Variants in P2RX2 observed in about 807,000 individuals in gnomAD.
P2RX2 encodes purinergic receptor P2X 2.
In P2RX2, 50 loss-of-function variants were observed where a neutral mutation model predicts 54.8. The observed-to-expected ratio is 0.91, with a 90% confidence interval of 0.73 to 1.15. The LOEUF (loss-of-function observed/expected upper bound fraction) is 1.15, where lower values mean the gene tolerates loss of function less well. Among genes scored for constraint, P2RX2 ranks in the 50% most tolerant of loss-of-function variants. The pLI, the probability that P2RX2 is intolerant of heterozygous loss-of-function variation, is 0.00. For synonymous variants in P2RX2, 289 were observed against 259.4 expected (o/e 1.11, Z -1.09); for missense variants, 658 against 633.2 (o/e 1.04, Z -0.42).
In P2RX2 at chr12:132,620,352, G is replaced by T; in HGVS notation, c.635+5G>T. On this transcript the variant is annotated splice_donor_5th_base_variant and intron_variant, in intron 6 of 10. Coordinates refer to ENST00000643471, the MANE Select transcript of P2RX2 (RefSeq NM_170682.4). The stretch of plus-strand genomic sequence containing the variant: ...CCCCAAATTCCACTTCTCCAAGTAA[G>T]AGCCGCGGGGTGTGGTGACGGCCCA... 6.2e-7 allele frequency: 1 copy of T among 1,614,070 alleles called. No individual in the cohort carries two copies. Among genetic ancestry groups the T allele is most frequent in the Non-Finnish European group, 8.5e-7 (1 of 1,179,900 alleles).
chr12:132,620,032 C>T lies in P2RX2; in HGVS notation c.490C>T (p.Gln164Ter), dbSNP rs1488690731. Residue 164 changes from glutamine to a stop codon, truncating the protein, a stop_gained, in exon 5 of 11, where the codon CAG becomes TAG. Transcript: ENST00000643471. LOFTEE classifies it high-confidence loss of function. ...GACTGGGCGCTGTGTGCCCTATTAC[C>T]AGGGGCCCTCCAAGACCTGCGAGGT... ...LRTGRCVPYY[Q>*]GPSKTCEVFG... 2 of 1,590,310 alleles carry T rather than the reference C, an allele frequency of 1.3e-6. No homozygotes were observed. Among genetic ancestry groups the T allele is most frequent in the Non-Finnish European group, 1.7e-6 (2 of 1,169,954 alleles).
rs1463901389 is a variant in P2RX2 at position 132,622,050 on chromosome 12, C to T, written c.*78C>T. 1.4e-5 allele frequency: 22 copies of T among 1,595,716 alleles called. No individual in the cohort carries two copies. Among genetic ancestry groups the T allele is most frequent in the Middle Eastern group, 1.7e-4 (1 of 5,950 alleles). ...CCCCAGCTAGGGACCTGCACGTGGACGTGGGCACCTCAGTAGCGGAGCATC... is the reference window on the plus strand; with the variant it reads ...CCCCAGCTAGGGACCTGCACGTGGATGTGGGCACCTCAGTAGCGGAGCATC... On this transcript the variant is annotated 3_prime_UTR_variant, in exon 11 of 11. Coordinates refer to ENST00000643471, the MANE Select transcript of P2RX2 (RefSeq NM_170682.4).
At chr12:132,620,871 ACTG>A in intron 7 of P2RX2, 127 bp from the exon 8 acceptor site, 13 of 983,090 alleles carry the variant, frequency 1.3e-5, no homozygotes, top group East Asian at 7.0e-5. Context: ...GCAGCCTGGG[ACTG>A]ACCCGGGCTC....
At chr12:132,621,165 C>G in intron 8 of P2RX2, 34 bp downstream of exon 8, 1 of 1,613,970 alleles carries the variant, frequency 6.2e-7, no homozygotes. Context: ...TCCACACTGG[C>G]ATAGCTGTGG....
At chr12:132,620,879 GGGCTCTC>G in intron 7 of P2RX2, 115 bp from the exon 8 acceptor site, 26 of 831,760 alleles carry the variant, frequency 3.1e-5, no homozygotes, top group South Asian at 1.3e-4. Flanking sequence ...GGACTGACCC[GGGCTCTC>G]GAGGGGCCTC....
At position 132,620,542 on chromosome 12, in the gene P2RX2, G is replaced by A. The variant is rs114874649; in HGVS notation, c.733G>A (p.Val245Met). ...YCPIFKLGFI[V>M]EKAGESFTEL... ...CCCCATCTTCAAGCTGGGCTTTATC[G>A]TGGAGAAGGCTGGGGAGAGCTTCAC... is the stretch of plus-strand genomic sequence containing the variant. Residue 245 changes from valine (V) to methionine (M), a missense_variant, in exon 7 of 11, where the codon GTG (valine) becomes ATG (methionine). Physicochemically the swap from Val to Met is conservative, Grantham distance 21 (BLOSUM62 1). Transcript: ENST00000643471. 5 of 1,613,868 alleles carry A rather than the reference G, an allele frequency of 3.1e-6. No individual in the cohort carries two copies. The highest frequency in any genetic ancestry group is 3.3e-5 in the Admixed American group (2 of 60,026).
rs1453224005 is a variant in P2RX2, at chr12:132,619,224, C to CGTGGG, written c.174-214_174-213insTGGGG. ...GGGACTCGGGGTGCTGGGCTGGAGG[C>CGTGGG]GCGGGGCTGGGGCTGGGACCAGGGG... On this transcript the variant is annotated intron_variant, in intron 1 of 10. Transcript: ENST00000643471. Among the ~76,000 whole-genome samples the CGTGGG allele has an allele frequency of 0.48, 19,642 of 40,512 alleles. 6,079 individuals are homozygous for CGTGGG. The highest frequency in any genetic ancestry group is 0.68 in the East Asian group (739 of 1,086). The allele number at this position is 40,512 out of a possible 152,430, so 26.6% of individuals were successfully genotyped here. A position where few individuals can be genotyped will look rare whatever the true frequency, so the allele number is the denominator to read the frequency against.
intron 1 of P2RX2, among the ~76,000 whole-genome samples, 161 bp downstream of exon 1, chr12:132,619,150 ATTGGG>A (rs2041516604): frequency 4.6e-5 from 1 of 21,804 alleles, no homozygotes; most frequent in African/African-American, 1.9e-4. Context: ...AGGGGCTGGG[ATTGGG>A]GGCGCGGGGC....
rs2041618175 is a variant in P2RX2 at position 132,620,568 on chromosome 12, A to G, written c.759A>G (p.Thr253=). 1 of 1,612,804 alleles carries G rather than the reference A, an allele frequency of 6.2e-7. No homozygotes were observed. Among genetic ancestry groups the G allele is most frequent in the Non-Finnish European group, 8.5e-7 (1 of 1,179,728 alleles). Residue 253 remains threonine, a synonymous_variant, in exon 7 of 11, where the codon ACA becomes ACG. Coordinates refer to ENST00000643471, the MANE Select transcript of P2RX2 (RefSeq NM_170682.4). ...TGGAGAAGGCTGGGGAGAGCTTCACAGAGCTCGCACACAAGGCAGGGCAAG... is the reference window on the plus strand; with the variant it reads ...TGGAGAAGGCTGGGGAGAGCTTCACGGAGCTCGCACACAAGGCAGGGCAAG... The part of the protein sequence containing the change: ...FIVEKAGESF[T]ELAHKGGVIG...
chr12:132,622,111 G>A lies in P2RX2; in HGVS notation c.*139G>A, dbSNP rs2041726415. 6.7e-7 allele frequency: 1 copy of A among 1,501,606 alleles called. No homozygotes were observed. Among genetic ancestry groups the A allele is most frequent in the Non-Finnish European group, 8.8e-7 (1 of 1,133,968 alleles). The allele number at this position is 1,501,606 out of a possible 1,614,324, so 93.0% of individuals were successfully genotyped here. On this transcript the variant is annotated 3_prime_UTR_variant, in exon 11 of 11. Transcript: ENST00000643471. ...GGGGCACCACAGGATCCCTGTGCAA[G>A]GGCTGGGGGCACGCTCTGGCCCCAG...
chr12:132,622,141 G>C lies in P2RX2; in HGVS notation c.*169G>C, dbSNP rs1482739225. 2.1e-6 allele frequency: 3 copies of C among 1,453,590 alleles called. No individual in the cohort carries two copies. The highest frequency in any genetic ancestry group is 5.4e-5 in the Admixed American group (2 of 36,922). The allele number at this position is 1,453,590 out of a possible 1,614,324, so 90.0% of individuals were successfully genotyped here. ...GGGGGCACGCTCTGGCCCCAGGCTT[G>C]TGCCCCACCCTGGCATACAGCCCCT... On this transcript the variant is annotated 3_prime_UTR_variant, in exon 11 of 11. Coordinates refer to ENST00000643471, the MANE Select transcript of P2RX2 (RefSeq NM_170682.4).
At chr12:132,620,410 T>G in intron 6 of P2RX2, 35 bp from the exon 7 acceptor site, 1 of 1,614,088 alleles carries the variant, frequency 6.2e-7, no homozygotes. Context: ...ATGGGGTATT[T>G]GGGGTGCAGG....
intron 8 of P2RX2, 54 bp from the exon 9 acceptor site, chr12:132,621,201 G>T (rs2041661089): frequency 6.2e-7 from 1 of 1,613,798 alleles, no homozygotes; most frequent in Non-Finnish European, 8.5e-7. Flanking sequence ...CCCAATGCCT[G>T]TGGGGCAGCC....
rs1232286212 is a variant in P2RX2 at position 132,619,169 on chromosome 12, G to T, written c.173+180G>T. 4.7e-3 allele frequency among the ~76,000 whole-genome samples: 467 copies of T among 98,448 alleles called. 29 individuals are homozygous for T. The highest frequency in any genetic ancestry group is 0.012 in the Admixed American group (112 of 9,620). The allele number at this position is 98,448 out of a possible 152,430, so 64.6% of individuals were successfully genotyped here. On this transcript the variant is annotated intron_variant, in intron 1 of 10. Transcript: ENST00000643471. ...GCTGGGATTGGGGGCGCGGGGCAGGGGCTGGGACTGGGGGCGTGGGGCAGG... is the reference window on the plus strand; with the variant it reads ...GCTGGGATTGGGGGCGCGGGGCAGGTGCTGGGACTGGGGGCGTGGGGCAGG...
At position 132,621,503 on chromosome 12, in the gene P2RX2, T is replaced by C; in HGVS notation, c.1025T>C (p.Ile342Thr). 2 of 1,563,324 alleles carry C rather than the reference T, an allele frequency of 1.3e-6. No homozygotes were observed. Among genetic ancestry groups the C allele is most frequent in the Non-Finnish European group, 1.7e-6 (2 of 1,153,214 alleles). Residue 342 changes from isoleucine to threonine, a missense_variant, in exon 10 of 11, where the codon ATT (isoleucine) becomes ACT (threonine). Transcript: ENST00000643471. ...QAGKFSLIPT[I>T]INLATALTSV... ...GGGAAGTTCAGCCTGATTCCCACCA[T>C]TATTAATCTGGCCACAGCTCTGACT...
Position 132,621,012 on chromosome 12 carries a change from C to A in P2RX2, c.786C>A (p.Ile262=). 6.2e-7 allele frequency: 1 copy of A among 1,614,012 alleles called. No homozygotes were observed. The highest frequency in any genetic ancestry group is 1.1e-5 in the South Asian group (1 of 91,068). ...CTCCTTCTTGGCAGGGTGGTGTCAT[C>A]GGGGTCATTATCAACTGGGACTGTG... is the stretch of plus-strand genomic sequence containing the variant. ...FTELAHKGGV[I]GVIINWDCDL... is the part of the protein sequence containing the mutation. The change falls in exon 8 of 11, where the codon ATC becomes ATA. Residue 262 remains isoleucine, a synonymous_variant. Coordinates refer to ENST00000643471, the MANE Select transcript of P2RX2 (RefSeq NM_170682.4).
chr12:132,621,860 C>T lies in P2RX2; in HGVS notation c.1304C>T (p.Pro435Leu), dbSNP rs746094191. 1.9e-6 allele frequency: 3 copies of T among 1,613,176 alleles called. No homozygotes were observed. The highest frequency in any genetic ancestry group is 1.1e-5 in the South Asian group (1 of 91,028). Residue 435 changes from proline (P) to leucine (L), a missense_variant, in exon 11 of 11, where the codon CCC (proline) becomes CTC (leucine). Physicochemically the swap from Pro to Leu is moderately conservative, Grantham distance 98 (BLOSUM62 -3). Transcript: ENST00000643471. The part of the protein sequence containing the change: ...QGAECGPAFP[P>L]LRPCPISAPS... ...GCAGAGTGTGGCCCAGCCTTCCCGCCCCTGCGGCCTTGCCCCATCTCTGCC... is the reference window on the plus strand; with the variant it reads ...GCAGAGTGTGGCCCAGCCTTCCCGCTCCTGCGGCCTTGCCCCATCTCTGCC...
chr12:132,621,973 G>C lies in P2RX2; in HGVS notation c.*1G>C. 1 of 1,613,646 alleles carries C rather than the reference G, an allele frequency of 6.2e-7. No homozygotes were observed. Among genetic ancestry groups the C allele is most frequent in the Non-Finnish European group, 8.5e-7 (1 of 1,180,018 alleles). ...CCCCAAAGGTTTGGCTCAACTCTGA[G>C]CTCCTTTCCATCTCACTGGACTGCA... On this transcript the variant is annotated 3_prime_UTR_variant, in exon 11 of 11. Coordinates refer to ENST00000643471, the MANE Select transcript of P2RX2 (RefSeq NM_170682.4).
Position 132,621,216 on chromosome 12 carries a change from A to T in P2RX2, c.906-39A>T, listed in dbSNP as rs771844396. Reference sequence around the variant, plus strand: ...CCCAATGCCTGTGGGGCAGCCCTGGAGTGCAGAGGACGAGTGGGCACTGGC... The same window carrying T: ...CCCAATGCCTGTGGGGCAGCCCTGGTGTGCAGAGGACGAGTGGGCACTGGC... On this transcript the variant is annotated intron_variant, in intron 8 of 10. Transcript: ENST00000643471. The T allele has an allele frequency of 4.3e-6, 7 of 1,613,888 alleles. No homozygotes were observed. In the Admixed American group the frequency reaches 1.2e-4, roughly 27 times the overall value.
Sources: gnomAD v4.1 joint callset for allele counts (sites outside exome capture counted in the v4.1 genomes callset) on GRCh38, gnomAD v4.1.1 for gene constraint, MANE v1.5 for transcripts, NCBI Gene and HGNC (gene_info 2026-07-23, HGNC 2026-07-21) for gene names.